Variants in PLEKHA5 observed in about 807,000 individuals in gnomAD.
The protein encoded by PLEKHA5 is pleckstrin homology domain containing A5, also known as pleckstrin homology domain-containing family A member 5.
PLEKHA5 carries 55 observed loss-of-function variants against 181.9 expected under a neutral mutation model. That is an observed-to-expected ratio of 0.30 (90% CI 0.24 to 0.38). PLEKHA5 has a LOEUF of 0.38. Among genes scored for constraint, PLEKHA5 ranks in the 10% least tolerant of loss-of-function variants. PLEKHA5 has a pLI of 1.00. For missense variants in PLEKHA5, 1,432 were observed against 1,549.5 expected, an observed-to-expected ratio of 0.92 and a Z score of 1.27; for synonymous variants, 535 against 529.4, an observed-to-expected ratio of 1.01 and a Z score of -0.15.
chr12:19,299,083 C>T (rs181782117), intron 15 of PLEKHA5, among the ~76,000 whole-genome samples: 2 of 152,330 alleles, frequency 1.3e-5, no homozygotes, highest in East Asian at 3.9e-4. Flanking sequence ...TCCTGCCTGC[C>T]TCTCCATCAC....
intron 3 of PLEKHA5, among the ~76,000 whole-genome samples, chr12:19,219,846 A>G (rs1203384664): frequency 6.6e-6 from 1 of 152,062 alleles, no homozygotes; most frequent in East Asian, 1.9e-4. Context: ...GAGTCATTTA[A>G]AAAGTAGGAA....
intron 3 of PLEKHA5, among the ~76,000 whole-genome samples, chr12:19,177,550 A>T (rs4764467): frequency 1.3e-5 from 2 of 151,996 alleles, no homozygotes; most frequent in Admixed American, 6.5e-5. Context: ...CAACACATCT[A>T]ATACACCCAC....
intron 24 of PLEKHA5, among the ~76,000 whole-genome samples, chr12:19,347,942 G>A (rs996627528): frequency 6.9e-6 from 1 of 144,386 alleles, no homozygotes; most frequent in Non-Finnish European, 1.5e-5. Flanking sequence ...GAGTGCAGTA[G>A]AGCAATCTCA....
At chr12:19,161,304 C>G (rs1197909889) in intron 3 of PLEKHA5, among the ~76,000 whole-genome samples, 1 of 152,124 alleles carries the variant, frequency 6.6e-6, no homozygotes, top group African/African-American at 2.4e-5. Context: ...TCCCTTCCCC[C>G]CACAGCTTAT....
chr12:19,260,854 C>G, intron 6 of PLEKHA5, 95 bp from the exon 7 acceptor site: 3 of 727,916 alleles, frequency 4.1e-6, no homozygotes, highest in South Asian at 5.0e-5. Context: ...GAGCGAAACT[C>G]CATCTCAAAA....
At chr12:19,142,653 G>A (rs748933197) in intron 3 of PLEKHA5, among the ~76,000 whole-genome samples, 23 of 151,964 alleles carry the variant, frequency 1.5e-4, no homozygotes, top group Non-Finnish European at 2.5e-4. Flanking sequence ...TAATGAAATC[G>A]TTACAGTAGT....
chr12:19,290,732 G>A lies in PLEKHA5; in HGVS notation c.1919G>A (p.Ser640Asn), dbSNP rs868285292. 44 of 1,536,044 alleles carry A rather than the reference G, an allele frequency of 2.9e-5. No homozygotes were observed. The African/African-American group carries it at 4.5e-4, about 16-fold the overall frequency. The change falls in exon 14 of 32, where the codon AGT becomes AAT. Residue 640 changes from serine to asparagine, a missense_variant. Physicochemically the swap from Ser to Asn is conservative, Grantham distance 46. Around this residue, in one of 2 missense-constraint regions of PLEKHA5, gnomAD observed 1,143 missense variants for 1,168.4 expected, o/e 0.98. Coordinates refer to ENST00000429027, the MANE Select transcript of PLEKHA5 (RefSeq NM_001256470.2). ...CTGAGACGGCAGCAAGCCGAACTGA[G>A]TAGTATCCGGGAGCATACGTTAGCA... ...IKLRRQQAELSSIREHTLAQL... is the reference protein window; with the variant it reads ...IKLRRQQAELNSIREHTLAQL...
chr12:19,140,907 G>C (rs2037073768), intron 3 of PLEKHA5, among the ~76,000 whole-genome samples: 1 of 152,138 alleles, frequency 6.6e-6, no homozygotes, highest in African/African-American at 2.4e-5. Context: ...TCCTGCTTCA[G>C]CCTCCTGAGT....
At chr12:19,169,144 C>T (rs146652468) in intron 3 of PLEKHA5, among the ~76,000 whole-genome samples, 2 of 152,076 alleles carry the variant, frequency 1.3e-5, no homozygotes, top group East Asian at 3.9e-4. Flanking sequence ...ATTGGCTTAG[C>T]AGCTTTACTA....
chr12:19,348,547 T>C (rs751403904), intron 25 of PLEKHA5, 28 bp downstream of exon 25: 3 of 1,519,048 alleles, frequency 2.0e-6, no homozygotes, highest in South Asian at 2.6e-5. Context: ...GTTTTACCTC[T>C]TGGTTTTTGT....
intron 10 of PLEKHA5, among the ~76,000 whole-genome samples, chr12:19,270,663 T>C (rs557529714): frequency 1.9e-4 from 29 of 152,298 alleles, no homozygotes; most frequent in African/African-American, 6.7e-4. Context: ...TAAATACAAG[T>C]AGTATAATGT....
At chr12:19,316,016 T>C (rs1414796211) in intron 16 of PLEKHA5, among the ~76,000 whole-genome samples, 2 of 152,112 alleles carry the variant, frequency 1.3e-5, no homozygotes, top group Non-Finnish European at 2.9e-5. Context: ...CAAAAGAAAA[T>C]GGAATCTTTC....
In PLEKHA5 at chr12:19,354,486, T is replaced by G. The variant is rs914474685; in HGVS notation, c.3138+484T>G. Among the ~76,000 whole-genome samples the G allele has an allele frequency of 7.7e-4, 84 of 108,964 alleles. 1 individual carries two copies. The highest frequency in any genetic ancestry group is 2.8e-3 in the African/African-American group (74 of 26,298). 71.5% of individuals were successfully genotyped at this position (108,964 alleles called of 152,430 possible). A position where few individuals can be genotyped will look rare whatever the true frequency, so the allele number is the denominator to read the frequency against. ...AGTTATTCTTAAAAAAAAAAAATTG[T>G]TTTTTTTTTTTTGAGATGGAGTCTC... On this transcript the variant is annotated intron_variant, in intron 26 of 31. Coordinates refer to ENST00000429027, the MANE Select transcript of PLEKHA5 (RefSeq NM_001256470.2).
intron 3 of PLEKHA5, among the ~76,000 whole-genome samples, chr12:19,186,489 C>T (rs955791655): frequency 1.3e-5 from 2 of 152,118 alleles, no homozygotes; most frequent in Admixed American, 6.6e-5. Flanking sequence ...ATGGTAATAA[C>T]GTGAATAACT....
At chr12:19,335,399 AT>A (rs1311371611) in intron 20 of PLEKHA5, among the ~76,000 whole-genome samples, 3 of 149,768 alleles carry the variant, frequency 2.0e-5, no homozygotes, top group South Asian at 4.2e-4. Flanking sequence ...ATAGCTCTTT[AT>A]TTTTTTTCTT....
At chr12:19,310,325 A>G (rs187911090) in intron 15 of PLEKHA5, among the ~76,000 whole-genome samples, 132 of 152,214 alleles carry the variant, frequency 8.7e-4, no homozygotes, top group African/African-American at 3.0e-3. Context: ...TATTTATTTT[A>G]AGAACTTGAA....
At chr12:19,245,222 T>A (rs1216711931) in intron 3 of PLEKHA5, among the ~76,000 whole-genome samples, 1 of 152,230 alleles carries the variant, frequency 6.6e-6, no homozygotes. Flanking sequence ...ATATTTTCTT[T>A]GGACCATGTG....
rs1177642868 is a variant in PLEKHA5, at chr12:19,275,001, C to A, written c.1313+18C>A. The A allele has an allele frequency of 2.0e-6, 3 of 1,525,892 alleles. No homozygotes were observed. Among genetic ancestry groups the A allele is most frequent in the Non-Finnish European group, 2.7e-6 (3 of 1,115,024 alleles). The allele number at this position is 1,525,892 out of a possible 1,614,324, so 94.5% of individuals were successfully genotyped here. A position where few individuals can be genotyped will look rare whatever the true frequency, so the allele number is the denominator to read the frequency against. ...ACCAGGGGGTAAGTGTCTGTCTTGT[C>A]ATTATGAACCCAGGTTTCTTTGATG... On this transcript the variant is annotated intron_variant, in intron 11 of 31. Transcript: ENST00000429027.
Position 19,130,712 on chromosome 12 carries a change from G to C in PLEKHA5, c.169+582G>C, listed in dbSNP as rs888345223. The C allele has an allele frequency of 9.2e-5, 14 of 152,576 alleles. No individual in the cohort carries two copies. The highest frequency in any genetic ancestry group is 3.1e-4 in the African/African-American group (13 of 41,476). 9.5% of individuals were successfully genotyped at this position (152,576 alleles called of 1,614,324 possible). A position where few individuals can be genotyped will look rare whatever the true frequency, so the allele number is the denominator to read the frequency against. ...AGGAGGAGGAGGAGGAGAGGAGTTCGGGGGTGCTGCGATCCTCTCTGTGAC... is the reference window on the plus strand; with the variant it reads ...AGGAGGAGGAGGAGGAGAGGAGTTCCGGGGTGCTGCGATCCTCTCTGTGAC... On this transcript the variant is annotated intron_variant, in intron 2 of 31. Transcript: ENST00000429027. This position sits in a 1 kb window ranked among gnomAD's most constrained non-coding sequence, Gnocchi z 4.5.
Sources: gnomAD v4.1 joint callset for allele counts (sites outside exome capture counted in the v4.1 genomes callset) on GRCh38, gnomAD v4.1.1 for gene constraint, gnomAD v4.1.1 regional missense constraint, Gnocchi (gnomAD v3.1) non-coding constraint, MANE v1.5 for transcripts, NCBI Gene and HGNC (gene_info 2026-07-23, HGNC 2026-07-21) for gene names.